TAS1R2: variants seen among roughly 807,000 people sequenced by gnomAD.
The protein encoded by TAS1R2 is taste 1 receptor member 2.
Under a neutral mutation model 49.3 loss-of-function variants are expected in TAS1R2, and 47 were observed. The ratio of observed to expected loss-of-function variants is 0.95; its 90% CI spans 0.75 to 1.22. TAS1R2 has a LOEUF of 1.22. Ranked by LOEUF, TAS1R2 falls within the 50% of genes most tolerant of loss-of-function variation. The pLI is 0.00. For synonymous variants in TAS1R2, 479 were observed against 467.9 expected, an observed-to-expected ratio of 1.02 and a Z score of -0.31; for missense variants, 1,155 against 1,122.1, an observed-to-expected ratio of 1.03 and a Z score of -0.42.
intron 1 of TAS1R2, among the ~76,000 whole-genome samples, chr1:18,859,241 C>T (rs540470528): frequency 1.6e-4 from 25 of 152,192 alleles, no homozygotes; most frequent in Non-Finnish European, 3.1e-4. Flanking sequence ...AAAAATGGCA[C>T]TGAGATGACC....
At position 18,854,833 on chromosome 1, in the gene TAS1R2, C is replaced by G; in HGVS notation, c.637G>C (p.Asp213His). ...TGGCCATTGTCGCGGCCATAGGTGT[C>G]GCTGCTCACCAGCACAATGATCCAG... Residue 213 changes from aspartate (D) to histidine (H), a missense_variant, in exon 3 of 6, where the codon GAC (aspartate) becomes CAC (histidine). Transcript: ENST00000375371. This position sits in a 1 kb window ranked among gnomAD's most constrained non-coding sequence, Gnocchi z 4.9. 1.9e-6 allele frequency: 3 copies of G among 1,608,286 alleles called. No individual in the cohort carries two copies. The highest frequency in any genetic ancestry group is 4.5e-5 in the East Asian group (2 of 44,826).
chr1:18,840,641 C>T (rs1933806962), intron 5 of TAS1R2, 114 bp from the exon 6 acceptor site: 2 of 1,092,284 alleles, frequency 1.8e-6, no homozygotes, highest in Non-Finnish European at 2.7e-6. Context: ...CAAGGGCAAC[C>T]CTTGCATTCA....
chr1:18,841,668 C>CCAGGGGCAGGGCAGGGGCAGGG lies in TAS1R2; in HGVS notation c.1591+39_1591+60dup. On this transcript the variant is annotated intron_variant, in intron 5 of 5. Coordinates refer to ENST00000375371, the Ensembl canonical transcript of TAS1R2. ...CCAAGGAGGACAAGCCCTAGAGACT[C>CCAGGGGCAGGGCAGGGGCAGGG]CAGGGGCAGGGCAGGGGCAGGGCAG... 14 of 1,576,674 alleles carry CCAGGGGCAGGGCAGGGGCAGGG rather than the reference C, an allele frequency of 8.9e-6. No individual in the cohort carries two copies. In the South Asian group the frequency reaches 1.4e-4, roughly 15 times the overall value.
Position 18,854,143 on chromosome 1 carries a change from C to A in TAS1R2, c.1257+70G>T. 2 of 1,461,536 alleles carry A rather than the reference C, an allele frequency of 1.4e-6. No individual in the cohort carries two copies. Among genetic ancestry groups the A allele is most frequent in the African/African-American group, 1.4e-5 (1 of 71,674 alleles). 90.5% of individuals were successfully genotyped at this position (1,461,536 alleles called of 1,614,324 possible). A position where few individuals can be genotyped will look rare whatever the true frequency, so the allele number is the denominator to read the frequency against. ...ATGGGATACTCATGCCCTTTCACAC[C>A]CATTTGCCCAGAACCCCAGGGGAGG... On this transcript the variant is annotated intron_variant, in intron 3 of 5. Transcript: ENST00000375371. This position sits in a 1 kb window ranked among gnomAD's most constrained non-coding sequence, Gnocchi z 4.9.
rs202049971 is a variant in TAS1R2, at chr1:18,840,256, G to T, written c.1863C>A (p.Tyr621Ter). 8.7e-6 allele frequency: 14 copies of T among 1,614,012 alleles called. No homozygotes were observed. The South Asian group carries it at 1.4e-4, about 16-fold the overall frequency. The stretch of plus-strand genomic sequence containing the variant: ...AGGTGGAGACCTTGGGCGGCCCCAC[G>T]TACACCGGGACCACCATGTATGCCA... The change falls in exon 6 of 6, where the codon TAC becomes TAA. Residue 621 changes from tyrosine (Y) to a stop codon, truncating the protein, a stop_gained. Coordinates refer to ENST00000375371, the Ensembl canonical transcript of TAS1R2. LOFTEE classifies it low-confidence loss of function (END_TRUNC).
chr1:18,849,611 C>T, intron 3 of TAS1R2, 61 bp from the exon 4 acceptor site: 1 of 1,578,496 alleles, frequency 6.3e-7, no homozygotes, highest in Non-Finnish European at 8.7e-7. Context: ...AGAATTTTTC[C>T]TGGACCTGGG....
intron 3 of TAS1R2, among the ~76,000 whole-genome samples, chr1:18,850,298 C>T (rs535258152): frequency 6.6e-6 from 1 of 152,370 alleles, no homozygotes; most frequent in Admixed American, 6.5e-5. Context: ...GCTCAAATAT[C>T]CCATGGACCT....
At position 18,854,978 on chromosome 1, in the gene TAS1R2, G is replaced by T; in HGVS notation, c.492C>A (p.Tyr164Ter). The change falls in exon 3 of 6, where the codon TAC becomes TAA. Residue 164 changes from tyrosine (Y) to a stop codon, truncating the protein, a stop_gained. Coordinates refer to ENST00000375371, the Ensembl canonical transcript of TAS1R2. LOFTEE classifies it high-confidence loss of function. This position sits in a 1 kb window ranked among gnomAD's most constrained non-coding sequence, Gnocchi z 4.9. The stretch of plus-strand genomic sequence containing the variant: ...CTCGCAGCTCATCGCTGATGGCGCT[G>T]TAGGTGATCTGCAAGGGGAAGGGCT... The T allele has an allele frequency of 6.2e-7, 1 of 1,603,346 alleles. No individual in the cohort carries two copies. The highest frequency in any genetic ancestry group is 2.2e-5 in the East Asian group (1 of 44,546).
At chr1:18,844,053 A>G (rs1012995608) in intron 4 of TAS1R2, among the ~76,000 whole-genome samples, 1 of 152,210 alleles carries the variant, frequency 6.6e-6, no homozygotes, top group Non-Finnish European at 1.5e-5. Context: ...ATGATTCACA[A>G]GTAGGTTGGT....
intron 3 of TAS1R2, among the ~76,000 whole-genome samples, chr1:18,853,744 T>C (rs1430895551): frequency 3.3e-5 from 5 of 152,124 alleles, no homozygotes; most frequent in Non-Finnish European, 7.4e-5. Context: ...ACCTTCTATA[T>C]CCCAGAAAGC....
chr1:18,840,472 G>A (rs1266476608), exon 6 of TAS1R2: 1 of 1,614,172 alleles, frequency 6.2e-7, no homozygotes, highest in Non-Finnish European at 8.5e-7. Flanking sequence ...TGAAGCAGGA[G>A]GTCTCACTCT....
chr1:18,857,982 T>C (rs971304630), intron 1 of TAS1R2, among the ~76,000 whole-genome samples: 1 of 149,720 alleles, frequency 6.7e-6, no homozygotes, highest in Non-Finnish European at 1.5e-5. Flanking sequence ...CCACTACCCA[T>C]ATTACCAATA....
exon 6 of TAS1R2, chr1:18,839,880 A>G: frequency 1.2e-6 from 2 of 1,614,210 alleles, no homozygotes; most frequent in South Asian, 2.2e-5. Flanking sequence ...TTGCCCATGT[A>G]GGCGAAGCTG....
Position 18,854,663 on chromosome 1 carries a change from C to A in TAS1R2, c.807G>T (p.Ala269=), listed in dbSNP as rs202163137. The change falls in exon 3 of 6, where the codon GCG becomes GCT. Residue 269 remains alanine (A), a synonymous_variant. Transcript: ENST00000375371. This position sits in a 1 kb window ranked among gnomAD's most constrained non-coding sequence, Gnocchi z 4.9. ...CGGGCGAGAACACGACCACGACGCG[C>A]GCTGTGCTCTGCTGCAGCTTGTCCA... The A allele has an allele frequency of 7.4e-6, 12 of 1,614,028 alleles. No homozygotes were observed. The East Asian group carries it at 1.3e-4, about 18-fold the overall frequency.
chr1:18,846,054 T>C (rs1240887076), intron 4 of TAS1R2, among the ~76,000 whole-genome samples: 2 of 152,206 alleles, frequency 1.3e-5, no homozygotes, highest in Non-Finnish European at 2.9e-5. Context: ...GAACAAGAAA[T>C]GGGCCTCTCT....
chr1:18,841,733 A>G, exon 5 of TAS1R2: 1 of 1,613,372 alleles, frequency 6.2e-7, no homozygotes, highest in Admixed American at 1.7e-5. Flanking sequence ...TCATACCTTC[A>G]GTGTGGTTGA....
intron 3 of TAS1R2, among the ~76,000 whole-genome samples, chr1:18,852,604 A>C (rs994913293): frequency 2.0e-5 from 3 of 152,122 alleles, no homozygotes; most frequent in Non-Finnish European, 4.4e-5. Flanking sequence ...GGAATGCTCT[A>C]TGAACGCCTG....
chr1:18,858,137 C>T (rs996790328), intron 1 of TAS1R2, among the ~76,000 whole-genome samples: 1 of 152,020 alleles, frequency 6.6e-6, no homozygotes, highest in Non-Finnish European at 1.5e-5. Context: ...TCACCACCAC[C>T]AACATCATCA....
At position 18,854,488 on chromosome 1, in the gene TAS1R2, G is replaced by A; in HGVS notation, c.982C>T (p.Gln328Ter). 1 of 1,614,078 alleles carries A rather than the reference G, an allele frequency of 6.2e-7. No individual in the cohort carries two copies. The highest frequency in any genetic ancestry group is 8.5e-7 in the Non-Finnish European group (1 of 1,179,998). ...CTGAAGCCCGGGATGGGCACGCTCTGGATGGTGATGCCCAGGAAGGTGCCC... is the reference window on the plus strand; with the variant it reads ...CTGAAGCCCGGGATGGGCACGCTCTAGATGGTGATGCCCAGGAAGGTGCCC... The change falls in exon 3 of 6, where the codon CAG becomes TAG. Residue 328 changes from glutamine (Q) to a stop codon, truncating the protein, a stop_gained. Coordinates refer to ENST00000375371, the Ensembl canonical transcript of TAS1R2. LOFTEE classifies it high-confidence loss of function. This position sits in a 1 kb window ranked among gnomAD's most constrained non-coding sequence, Gnocchi z 4.9.
Sources: gnomAD v4.1 joint callset for allele counts (sites outside exome capture counted in the v4.1 genomes callset) on GRCh38, gnomAD v4.1.1 for gene constraint, Gnocchi (gnomAD v3.1) non-coding constraint, MANE v1.5 for transcripts, NCBI Gene and HGNC (gene_info 2026-07-23, HGNC 2026-07-21) for gene names.